The following RPS6KA5 variants were observed in gnomAD, a reference collection of about 807,000 sequenced individuals.
The protein encoded by RPS6KA5 is ribosomal protein S6 kinase A5.
A neutral mutation model predicts 85.5 loss-of-function variants in RPS6KA5; 27 were observed. The ratio of observed to expected loss-of-function variants is 0.32; its 90% confidence interval spans 0.23 to 0.44. RPS6KA5 has a LOEUF of 0.44. RPS6KA5 is among the 20% of genes least tolerant of loss of function. The pLI is 1.00. For missense variants in RPS6KA5, 811 were observed against 980.9 expected, an observed-to-expected ratio of 0.83 and a Z score of 2.31; for synonymous variants, 334 against 348.2, an observed-to-expected ratio of 0.96 and a Z score of 0.46.
In RPS6KA5 at chr14:91,041,277, T is replaced by C. The variant is rs536583915; in HGVS notation, c.103+19055A>G. 3.9e-5 allele frequency among the ~76,000 whole-genome samples: 6 copies of C among 152,346 alleles called. No individual in the cohort carries two copies. The East Asian group carries it at 1.2e-3, about 29-fold the overall frequency. On this transcript the variant is annotated intron_variant, in intron 1 of 16. Transcript: ENST00000614987. ...TAGGAAATATGTATTTAGTCTCTCA[T>C]TTACTGGGACAACAACTTTTTTTCA...
chr14:90,926,374 G>C (rs2036667645), intron 5 of RPS6KA5, among the ~76,000 whole-genome samples: 2 of 148,508 alleles, frequency 1.3e-5, no homozygotes, highest in African/African-American at 2.5e-5. Context: ...CTGGGCCACA[G>C]AGTGAGACTC....
intron 5 of RPS6KA5, among the ~76,000 whole-genome samples, chr14:90,937,279 A>AG (rs1325731865): frequency 1.3e-5 from 2 of 152,024 alleles, no homozygotes; most frequent in East Asian, 1.9e-4. Flanking sequence ...GTGGCGGGGT[A>AG]GGGGGGCAAG....
At chr14:91,023,489 G>A (rs1428021527) in intron 1 of RPS6KA5, among the ~76,000 whole-genome samples, 6 of 152,014 alleles carry the variant, frequency 3.9e-5, no homozygotes, top group African/African-American at 7.2e-5. Context: ...GTTTCACCAC[G>A]TTGGCCAGGC....
rs909878008 is a variant in RPS6KA5, at chr14:90,860,023, T to G, written c.*12051A>C. The G allele has an allele frequency of 2.0e-5, 3 of 152,174 alleles. No individual in the cohort carries two copies. Among genetic ancestry groups the G allele is most frequent in the African/African-American group, 7.2e-5 (3 of 41,414 alleles). The allele number at this position is 152,174 out of a possible 1,614,324, so 9.4% of individuals were successfully genotyped here. On this transcript the variant is annotated 3_prime_UTR_variant, in exon 17 of 17. Transcript: ENST00000614987. ...AATACCTAATTTGGTGACAGGTTGA[T>G]GGGTGCAGCAAACCACCAGGGCACG...
At chr14:91,041,986 C>T (rs2042624927) in intron 1 of RPS6KA5, among the ~76,000 whole-genome samples, 1 of 151,966 alleles carries the variant, frequency 6.6e-6, no homozygotes, top group Non-Finnish European at 1.5e-5. Flanking sequence ...CTTAGAAGAA[C>T]TAAACTAAAT....
At chr14:90,901,809 C>A (rs2035184903) in intron 9 of RPS6KA5, among the ~76,000 whole-genome samples, 1 of 150,854 alleles carries the variant, frequency 6.6e-6, no homozygotes, top group African/African-American at 2.5e-5. Context: ...AATATAAAAT[C>A]TAAATCTTTT....
chr14:90,937,742 C>T (rs1327745597), intron 5 of RPS6KA5, among the ~76,000 whole-genome samples: 2 of 152,098 alleles, frequency 1.3e-5, no homozygotes, highest in African/African-American at 2.4e-5. Context: ...GGAAAACTCC[C>T]GTTTTTTAAA....
intron 11 of RPS6KA5, 50 bp from the exon 12 acceptor site, chr14:90,899,472 A>T (rs752564796): frequency 3.2e-6 from 4 of 1,240,306 alleles, no homozygotes; most frequent in Non-Finnish European, 4.7e-6. Context: ...GAAAGTTTTT[A>T]TATCAGTACT....
chr14:90,948,823 T>A (rs943891279), intron 3 of RPS6KA5, among the ~76,000 whole-genome samples: 1 of 152,180 alleles, frequency 6.6e-6, no homozygotes, highest in Admixed American at 6.5e-5. Context: ...TAAAGCTTTT[T>A]CTCCTGAAAA....
chr14:90,920,367 A>C, intron 6 of RPS6KA5, 58 bp from the exon 7 acceptor site: 1 of 1,194,024 alleles, frequency 8.4e-7, no homozygotes, highest in Non-Finnish European at 1.2e-6. Flanking sequence ...TTTTATAAGA[A>C]AGAAAAAATG....
At position 91,036,199 on chromosome 14, in the gene RPS6KA5, T is replaced by C. The variant is rs920825712; in HGVS notation, c.103+24133A>G. On this transcript the variant is annotated intron_variant, in intron 1 of 16. Coordinates refer to ENST00000614987, the MANE Select transcript of RPS6KA5 (RefSeq NM_004755.4). Reference sequence around the variant, plus strand: ...GCCCAACTTGTATACTGGTGAACTATAACCAACCTGTATGGACAGTTAAGA... The same window carrying C: ...GCCCAACTTGTATACTGGTGAACTACAACCAACCTGTATGGACAGTTAAGA... Among the ~76,000 whole-genome samples the C allele has an allele frequency of 3.9e-5, 6 of 152,166 alleles. No homozygotes were observed. The East Asian group carries it at 1.2e-3, about 29-fold the overall frequency.
chr14:90,998,193 A>C (rs972128535), intron 2 of RPS6KA5, among the ~76,000 whole-genome samples: 1 of 152,118 alleles, frequency 6.6e-6, no homozygotes, highest in Non-Finnish European at 1.5e-5. Context: ...GTGGTTGTTT[A>C]GGACTGGGGA....
At chr14:90,917,168 G>C (rs1255112351) in intron 7 of RPS6KA5, among the ~76,000 whole-genome samples, 1 of 151,988 alleles carries the variant, frequency 6.6e-6, no homozygotes, top group Non-Finnish European at 1.5e-5. Context: ...TTTTCAAACT[G>C]CCAAAAAATC....
In RPS6KA5 at chr14:90,855,103, T is replaced by C. The variant is rs1005844760; in HGVS notation, c.*16971A>G. ...CGAATAAAAAGATGTATAAGTTCAC[T>C]CATATTGATAAAACTTTTGCATTCA... On this transcript the variant is annotated 3_prime_UTR_variant, in exon 17 of 17. Coordinates refer to ENST00000614987, the MANE Select transcript of RPS6KA5 (RefSeq NM_004755.4). 2 of 152,246 alleles carry C rather than the reference T, an allele frequency of 1.3e-5. No individual in the cohort carries two copies. Among genetic ancestry groups the C allele is most frequent in the African/African-American group, 4.8e-5 (2 of 41,468 alleles). 9.4% of individuals were successfully genotyped at this position (152,246 alleles called of 1,614,324 possible).
chr14:90,911,929 G>A (rs2035840768), intron 7 of RPS6KA5, among the ~76,000 whole-genome samples: 1 of 152,102 alleles, frequency 6.6e-6, no homozygotes, highest in Non-Finnish European at 1.5e-5. Context: ...CCAATGGCAG[G>A]AGTACACAGA....
intron 1 of RPS6KA5, among the ~76,000 whole-genome samples, chr14:91,015,731 A>T (rs1337375313): frequency 6.6e-6 from 1 of 152,250 alleles, no homozygotes; most frequent in African/African-American, 2.4e-5. Context: ...TGGCAGCCTT[A>T]CATCAAATAA....
At chr14:91,035,847 C>CAAAAAAAAAAAAA (rs199625173) in intron 1 of RPS6KA5, among the ~76,000 whole-genome samples, 16 of 69,908 alleles carry the variant, frequency 2.3e-4, no homozygotes, top group African/African-American at 4.7e-4. Flanking sequence ...CCCTCACCTT[C>CAAAAAAAAAAAAA]AAAAAAAAAA....
chr14:90,994,531 T>C (rs2040432664), intron 2 of RPS6KA5, among the ~76,000 whole-genome samples: 1 of 150,432 alleles, frequency 6.6e-6, no homozygotes. Context: ...CTTCTTTCAC[T>C]CATAGTGCTT....
intron 3 of RPS6KA5, among the ~76,000 whole-genome samples, chr14:90,974,702 T>G (rs2039483662): frequency 6.6e-6 from 1 of 152,212 alleles, no homozygotes; most frequent in South Asian, 2.1e-4. Flanking sequence ...AGCTAACAGC[T>G]AGCACCAATT....
Sources: allele counts gnomAD v4.1 joint callset (sites outside exome capture counted in the v4.1 genomes callset), GRCh38; gene constraint gnomAD v4.1.1; transcripts MANE v1.5; gene names NCBI Gene and HGNC (gene_info 2026-07-23, HGNC 2026-07-21).